Variants in C2orf42 observed in about 807,000 individuals in gnomAD.
The protein encoded by C2orf42 is chromosome 2 open reading frame 42.
A neutral mutation model predicts 58.9 loss-of-function variants in C2orf42; 44 were observed. The ratio of observed to expected loss-of-function variants is 0.75; its 90% CI spans 0.59 to 0.96. The LOEUF is 0.96. Among genes scored for constraint, C2orf42 ranks in the 40% least tolerant of loss-of-function variants. C2orf42 has a pLI of 0.00. For synonymous variants in C2orf42, 239 were observed against 265.4 expected, an observed-to-expected ratio of 0.90 and a Z score of 0.97; for missense variants, 630 against 699.2, an observed-to-expected ratio of 0.90 and a Z score of 1.12.
intron 6 of C2orf42, among the ~76,000 whole-genome samples, chr2:70,167,290 G>T (rs1239069956): frequency 1.3e-5 from 2 of 151,962 alleles, no homozygotes; most frequent in South Asian, 4.2e-4. Flanking sequence ...CCTGGGAGGC[G>T]GAGGTTGCAG....
intron 1 of C2orf42, among the ~76,000 whole-genome samples, chr2:70,187,265 T>G (rs556818380): frequency 1.4e-5 from 2 of 146,486 alleles, no homozygotes; most frequent in East Asian, 2.1e-4. Context: ...GTTGTTGTTG[T>G]TGACAACGGA....
chr2:70,151,658 A>G (rs1199142099), intron 9 of C2orf42, among the ~76,000 whole-genome samples: 1 of 152,082 alleles, frequency 6.6e-6, no homozygotes, highest in Non-Finnish European at 1.5e-5. Context: ...AAAAATAAAA[A>G]AACAAGAAGG....
chr2:70,164,295 C>A (rs1309859797), intron 8 of C2orf42, among the ~76,000 whole-genome samples: 2 of 151,150 alleles, frequency 1.3e-5, no homozygotes, highest in Non-Finnish European at 2.9e-5. Context: ...GAGTAAGACT[C>A]TGTCCCAAAA....
At chr2:70,162,589 A>G (rs552170473) in intron 8 of C2orf42, among the ~76,000 whole-genome samples, 11 of 151,834 alleles carry the variant, frequency 7.2e-5, no homozygotes, top group African/African-American at 1.9e-4. Context: ...GGCTGCAGTG[A>G]GCCAAGATTG....
At chr2:70,172,006 T>A (rs1231501023) in intron 5 of C2orf42, among the ~76,000 whole-genome samples, 1 of 151,364 alleles carries the variant, frequency 6.6e-6, no homozygotes, top group Non-Finnish European at 1.5e-5. Flanking sequence ...GTGGATCACC[T>A]GAGGTCAGGA....
intron 1 of C2orf42, among the ~76,000 whole-genome samples, chr2:70,187,797 T>C (rs1476778903): frequency 6.6e-6 from 1 of 151,558 alleles, no homozygotes; most frequent in Non-Finnish European, 1.5e-5. Flanking sequence ...TTCAAGCAAT[T>C]CTCCTGCCTC....
chr2:70,155,972 G>A (rs550603844), intron 9 of C2orf42, among the ~76,000 whole-genome samples: 17 of 151,936 alleles, frequency 1.1e-4, no homozygotes, highest in Admixed American at 3.9e-4. Context: ...TCTGACCAAT[G>A]TGGAGAAACC....
chr2:70,165,200 G>C lies in C2orf42; in HGVS notation c.1253-8C>G. ...CATCTTTCCGAACAAAAGCTTCAAC[G>C]TGAAAAAAGGACAAAATTAGATTAC... is the stretch of plus-strand genomic sequence containing the variant. On this transcript the variant is annotated splice_region_variant and splice_polypyrimidine_tract_variant and intron_variant, in intron 7 of 9. Transcript: ENST00000264434. 1 of 1,532,722 alleles carries C rather than the reference G, an allele frequency of 6.5e-7. No homozygotes were observed. Among genetic ancestry groups the C allele is most frequent in the Non-Finnish European group, 9.0e-7 (1 of 1,114,904 alleles). The allele number at this position is 1,532,722 out of a possible 1,614,324, so 94.9% of individuals were successfully genotyped here. A position where few individuals can be genotyped will look rare whatever the true frequency, so the allele number is the denominator to read the frequency against.
chr2:70,156,364 T>C (rs1672677321), intron 9 of C2orf42, among the ~76,000 whole-genome samples: 1 of 152,070 alleles, frequency 6.6e-6, no homozygotes, highest in South Asian at 2.1e-4. Flanking sequence ...TGTGTGCCTG[T>C]AGTCCCACCT....
intron 9 of C2orf42, among the ~76,000 whole-genome samples, chr2:70,154,414 T>TAAA (rs36028499): frequency 1.5e-3 from 39 of 25,582 alleles, no homozygotes; most frequent in Non-Finnish European, 2.0e-3. Context: ...AAATTTTTAC[T>TAAA]AAAAAAAAAA....
chr2:70,184,873 A>ACCTG (rs1307583945), intron 1 of C2orf42, among the ~76,000 whole-genome samples: 2 of 137,120 alleles, frequency 1.5e-5, no homozygotes, highest in South Asian at 2.4e-4. Flanking sequence ...GGTGGATCAC[A>ACCTG]AGGTCAGGAG....
At chr2:70,159,386 G>A (rs1298928451) in intron 9 of C2orf42, among the ~76,000 whole-genome samples, 11 of 151,318 alleles carry the variant, frequency 7.3e-5, no homozygotes, top group Non-Finnish European at 1.0e-4. Context: ...TCAGGAGTTC[G>A]AGACCAGCCT....
intron 5 of C2orf42, among the ~76,000 whole-genome samples, chr2:70,169,938 T>C (rs1673684622): frequency 6.6e-6 from 1 of 151,852 alleles, no homozygotes; most frequent in Non-Finnish European, 1.5e-5. Context: ...GTTGTATTTT[T>C]AGTAGAGATG....
chr2:70,176,310 C>G (rs1674187539), intron 4 of C2orf42, among the ~76,000 whole-genome samples: 1 of 152,110 alleles, frequency 6.6e-6, no homozygotes, highest in African/African-American at 2.4e-5. Flanking sequence ...TGAGACCATC[C>G]TGGCTAACAT....
chr2:70,171,284 T>C (rs1210379772), intron 5 of C2orf42, among the ~76,000 whole-genome samples: 1 of 151,882 alleles, frequency 6.6e-6, no homozygotes, highest in Non-Finnish European at 1.5e-5. Flanking sequence ...CAAGTAAAAA[T>C]AAATAAGTAA....
At chr2:70,164,960 G>A in intron 8 of C2orf42, 132 bp downstream of exon 8, 2 of 467,122 alleles carry the variant, frequency 4.3e-6, no homozygotes, top group Non-Finnish European at 3.9e-6. Context: ...GGATATTTCT[G>A]AATATCTCTT....
At chr2:70,162,181 T>C (rs1673092785) in intron 8 of C2orf42, among the ~76,000 whole-genome samples, 1 of 151,636 alleles carries the variant, frequency 6.6e-6, no homozygotes, top group Admixed American at 6.6e-5. Context: ...CCGGCTAATT[T>C]TTGTATTCTA....
intron 5 of C2orf42, among the ~76,000 whole-genome samples, chr2:70,170,851 C>T (rs1243821674): frequency 1.3e-5 from 2 of 151,946 alleles, no homozygotes; most frequent in Admixed American, 1.3e-4. Context: ...CTTGGTGGCT[C>T]ACGCCTGTAA....
At chr2:70,188,255 T>C (rs1675085943) in intron 1 of C2orf42, among the ~76,000 whole-genome samples, 1 of 152,126 alleles carries the variant, frequency 6.6e-6, no homozygotes, top group African/African-American at 2.4e-5. Context: ...TGGCGTGATC[T>C]TGGCTCACTG....
Sources: allele counts gnomAD v4.1 joint callset (sites outside exome capture counted in the v4.1 genomes callset), GRCh38; gene constraint gnomAD v4.1.1; transcripts MANE v1.5; gene names NCBI Gene and HGNC (gene_info 2026-07-23, HGNC 2026-07-21).